Variants in ANK2 observed in about 807,000 individuals in gnomAD.
ANK2 encodes the protein ankyrin-2.
A neutral mutation model predicts 360.5 loss-of-function variants in ANK2; 83 were observed. The ratio of observed to expected loss-of-function variants is 0.23; its 90% CI spans 0.19 to 0.28. The LOEUF (loss-of-function observed/expected upper bound fraction) is 0.28. ANK2 is among the 10% of genes least tolerant of loss of function. The probability of loss-of-function intolerance (pLI) is 1.00; values close to 1 mark genes in which losing one functional copy is unlikely to be tolerated. For synonymous variants in ANK2, 1,740 were observed against 1,759.5 expected (o/e 0.99, Z 0.28); for missense variants, 4,201 against 4,795.7 (o/e 0.88, Z 3.66).
intron 1 of ANK2, among the ~76,000 whole-genome samples, chr4:112,832,007 A>G (rs1365766289): frequency 6.6e-6 from 1 of 150,376 alleles, no homozygotes; most frequent in Non-Finnish European, 1.5e-5. Flanking sequence ...TGTAACACTC[A>G]CTGCAAGCGT....
chr4:113,261,389 A>G (rs756076521), intron 13 of ANK2, among the ~76,000 whole-genome samples: 24 of 152,210 alleles, frequency 1.6e-4, no homozygotes, highest in Non-Finnish European at 3.1e-4. Flanking sequence ...ATAAGAAATC[A>G]GTGGACTAAT....
chr4:112,798,986 C>T, the ANK2 span, among the ~76,000 whole-genome samples: 1 of 152,136 alleles, frequency 6.6e-6, no homozygotes, highest in African/African-American at 2.4e-5. Flanking sequence ...TTCCCTATCC[C>T]CCAGTCCCTG....
chr4:112,979,978 C>G (rs1245013727), intron 2 of ANK2: 1 of 152,300 alleles, frequency 6.6e-6, no homozygotes, highest in African/African-American at 2.4e-5. Context: ...TGAGATTTCT[C>G]CGGAAACCCG....
chr4:112,964,683 C>T (rs1399705109), intron 2 of ANK2, among the ~76,000 whole-genome samples: 1 of 151,872 alleles, frequency 6.6e-6, no homozygotes, highest in Non-Finnish European at 1.5e-5. Flanking sequence ...CATTCTCCTG[C>T]CTCAGCCTAC....
In ANK2 at chr4:113,156,371, C is replaced by CTTTTTTTTTTTTTTTTTTT. The variant is rs150536846; in HGVS notation, c.85-18035_85-18034insTTTTTTTTTTTTTTTTTTT. On this transcript the variant is annotated intron_variant, in intron 1 of 45. Coordinates refer to ENST00000357077, the MANE Select transcript of ANK2 (RefSeq NM_001148.6). ...CGTATAGAGTATATGTAGAAAAATT[C>CTTTTTTTTTTTTTTTTTTT]TTTTTTTTTTGTTTTTGAGACAGAG... Among the ~76,000 whole-genome samples, 51 of 128,474 alleles carry CTTTTTTTTTTTTTTTTTTT rather than the reference C, an allele frequency of 4.0e-4. 2 individuals carry two copies. Among genetic ancestry groups the CTTTTTTTTTTTTTTTTTTT allele is most frequent in the African/African-American group, 9.3e-4 (32 of 34,252 alleles). The allele number at this position is 128,474 out of a possible 152,430, so 84.3% of individuals were successfully genotyped here.
In ANK2 at chr4:113,237,623, G is replaced by GTACA; in HGVS notation, c.693+2_693+5dup. The GTACA allele has an allele frequency of 6.2e-7, 1 of 1,608,050 alleles. No individual in the cohort carries two copies. Among genetic ancestry groups the GTACA allele is most frequent in the South Asian group, 1.1e-5 (1 of 90,924 alleles). On this transcript the variant is annotated splice_donor_variant, in intron 7 of 45. Transcript: ENST00000357077. LOFTEE classifies it high-confidence loss of function. ...GATGATGGTGAATAGGACAACTGAG[G>GTACA]TACAGTATTGTGGTTATACCAAAAT...
chr4:112,912,663 G>T (rs1049788938), intron 2 of ANK2, among the ~76,000 whole-genome samples: 2 of 152,174 alleles, frequency 1.3e-5, no homozygotes, highest in Admixed American at 6.5e-5. Context: ...TTTGTGAGCA[G>T]CCTAATTTAT....
intron 1 of ANK2, among the ~76,000 whole-genome samples, chr4:113,107,462 C>A (rs191599090): frequency 2.6e-5 from 4 of 152,242 alleles, no homozygotes; most frequent in African/African-American, 9.6e-5. Context: ...GGTGATCTAC[C>A]CACTTTGGCC....
chr4:113,216,615 T>C (rs2099088132), intron 4 of ANK2, among the ~76,000 whole-genome samples: 1 of 152,234 alleles, frequency 6.6e-6, no homozygotes, highest in African/African-American at 2.4e-5. Flanking sequence ...GCAGTCTTGC[T>C]CCAGTAAACA....
intron 22 of ANK2, among the ~76,000 whole-genome samples, chr4:113,294,087 GA>G (rs1017354431): frequency 1.3e-5 from 2 of 152,164 alleles, no homozygotes; most frequent in Admixed American, 6.5e-5. Context: ...TCTGTGTTGT[GA>G]AAAAGTATAT....
intron 1 of ANK2, among the ~76,000 whole-genome samples, chr4:113,121,279 A>G (rs2095335207): frequency 6.6e-6 from 1 of 152,180 alleles, no homozygotes; most frequent in African/African-American, 2.4e-5. Flanking sequence ...TTGGGATTTG[A>G]ATCCAGGTCT....
intron 4 of ANK2, among the ~76,000 whole-genome samples, chr4:113,207,919 C>A (rs11936521): frequency 0.2 from 30,214 of 151,876 alleles, 3,870 homozygotes; most frequent in African/African-American, 0.36. Flanking sequence ...AGTGTTAATG[C>A]GCACATCAGC....
chr4:112,815,132 C>T (rs755359347), upstream of ANK2, among the ~76,000 whole-genome samples: 11 of 152,078 alleles, frequency 7.2e-5, no homozygotes, highest in Non-Finnish European at 1.5e-4. Context: ...CCGCCCACCT[C>T]GGCCTCCCAA....
chr4:112,761,958 C>T, the ANK2 span, among the ~76,000 whole-genome samples: 8 of 152,208 alleles, frequency 5.3e-5, no homozygotes, highest in Admixed American at 3.9e-4. Context: ...TGTAGGAATA[C>T]AGAGAAGCAC....
chr4:113,087,395 T>A (rs960229264), intron 1 of ANK2, among the ~76,000 whole-genome samples: 1 of 152,222 alleles, frequency 6.6e-6, no homozygotes, highest in Admixed American at 6.5e-5. Flanking sequence ...GGTTCCAAGT[T>A]TAAAAATTTT....
At chr4:112,904,343 C>T (rs896176487) in intron 1 of ANK2, 19 of 537,542 alleles carry the variant, frequency 3.5e-5, no homozygotes, top group Middle Eastern at 5.0e-4. Flanking sequence ...AAATGAAGAA[C>T]TCCATCAGTG....
intron 9 of ANK2, among the ~76,000 whole-genome samples, chr4:113,243,140 A>G (rs561486331): frequency 6.6e-6 from 1 of 152,206 alleles, no homozygotes; most frequent in Admixed American, 6.5e-5. Context: ...AGATTTGGTT[A>G]ATCATAGACT....
At position 113,318,571 on chromosome 4, in the gene ANK2, A is replaced by G. The variant is rs1248713248; in HGVS notation, c.2851A>G (p.Thr951Ala). Residue 951 changes from threonine to alanine, a missense_variant, in exon 26 of 46, where the codon ACT becomes GCT. Physicochemically the swap from Thr to Ala is moderately conservative, Grantham distance 58. This residue lies in a region of ANK2 where 1,268 missense variants were observed against 1,650.8 expected (regional missense o/e 0.77). Coordinates refer to ENST00000357077, the MANE Select transcript of ANK2 (RefSeq NM_001148.6). ...GAATTCTTATCGCCTAAGCTGGGGC[A>G]CTGAGAACTTAGACAACGTGGCTCT... ...ERNSYRLSWG[T>A]ENLDNVALSS... The G allele has an allele frequency of 6.2e-7, 1 of 1,613,896 alleles. No homozygotes were observed. Among genetic ancestry groups the G allele is most frequent in the Non-Finnish European group, 8.5e-7 (1 of 1,179,860 alleles).
chr4:113,025,940 T>C (rs2059196361), intron 2 of ANK2, among the ~76,000 whole-genome samples: 1 of 152,200 alleles, frequency 6.6e-6, no homozygotes, highest in African/African-American at 2.4e-5. Flanking sequence ...CATGGGCATT[T>C]TAATTTTCTA....
Sources: gnomAD v4.1 joint callset for allele counts (sites outside exome capture counted in the v4.1 genomes callset) on GRCh38, gnomAD v4.1.1 for gene constraint, gnomAD v4.1.1 regional missense constraint, MANE v1.5 for transcripts, NCBI Gene and HGNC (gene_info 2026-07-23, HGNC 2026-07-21) for gene names.